Variants in LMO4 observed in about 807,000 individuals in gnomAD.
The protein encoded by LMO4 is LIM domain transcription factor LMO4.
Under a neutral mutation model 18.5 loss-of-function variants are expected in LMO4, and 3 were observed. The observed-to-expected ratio is 0.16, with a 90% CI of 0.07 to 0.42. The LOEUF is 0.42. Among genes scored for constraint, LMO4 ranks in the 10% least tolerant of loss-of-function variants. The pLI is 0.99. For missense variants in LMO4, 121 were observed against 219.9 expected, an observed-to-expected ratio of 0.55 and a Z score of 2.84; for synonymous variants, 100 against 88.1, an observed-to-expected ratio of 1.14 and a Z score of -0.76.
intron 1 of LMO4, 140 bp downstream of exon 1, chr1:87,329,384 AGC>A (rs918068309): frequency 3.9e-5 from 6 of 152,210 alleles, no homozygotes; most frequent in African/African-American, 1.4e-4. Flanking sequence ...GCTTAGATAA[AGC>A]GCGAGTCTGA....
chr1:87,333,353 T>C (rs1383544194), intron 2 of LMO4, among the ~76,000 whole-genome samples: 1 of 135,246 alleles, frequency 7.4e-6, no homozygotes, highest in African/African-American at 3.5e-5. Context: ...ACCGCACACT[T>C]TTAAGAATTT....
intron 1 of LMO4, among the ~76,000 whole-genome samples, chr1:87,331,500 G>A (rs1052174926): frequency 2.6e-5 from 4 of 152,220 alleles, no homozygotes; most frequent in African/African-American, 9.7e-5. Context: ...GCAGAACCCG[G>A]GAGGGAACGA....
intron 2 of LMO4, among the ~76,000 whole-genome samples, chr1:87,335,042 G>C (rs1430991179): frequency 1.3e-5 from 2 of 151,286 alleles, no homozygotes; most frequent in East Asian, 2.0e-4. Context: ...AATGAAGGGG[G>C]GGGGGTTGTA....
intron 2 of LMO4, among the ~76,000 whole-genome samples, chr1:87,335,998 C>T (rs1391369760): frequency 7.3e-6 from 1 of 136,684 alleles, no homozygotes; most frequent in Non-Finnish European, 1.5e-5. Flanking sequence ...AGATCTGTTA[C>T]TCTGAATTAA....
intron 3 of LMO4, 22 bp downstream of exon 3, chr1:87,339,654 T>G (rs1197828863): frequency 6.7e-7 from 1 of 1,498,280 alleles, no homozygotes; most frequent in Admixed American, 1.8e-5. Flanking sequence ...ATCTCTCTTT[T>G]TTTTTTAAAA....
intron 2 of LMO4, among the ~76,000 whole-genome samples, chr1:87,335,279 G>C (rs1003519536): frequency 6.6e-6 from 1 of 152,208 alleles, no homozygotes; most frequent in African/African-American, 2.4e-5. Context: ...AGTGCAGCGA[G>C]AGGAGGAAGT....
Position 87,346,848 on chromosome 1 carries a change from G to T in LMO4, c.*2052G>T, listed in dbSNP as rs1009732904. The T allele has an allele frequency of 1.3e-5, 2 of 152,142 alleles. No individual in the cohort carries two copies. The highest frequency in any genetic ancestry group is 4.8e-5 in the African/African-American group (2 of 41,440). The allele number at this position is 152,142 out of a possible 1,614,324, so 9.4% of individuals were successfully genotyped here. On this transcript the variant is annotated 3_prime_UTR_variant, in exon 5 of 5. Transcript: ENST00000370544. ...TGGGGAATTTCTTCAAACTAGTTCTGGTTCTTATATTTGTTTTTTTTCCTT... is the reference window on the plus strand; with the variant it reads ...TGGGGAATTTCTTCAAACTAGTTCTTGTTCTTATATTTGTTTTTTTTCCTT...
chr1:87,329,815 C>T (rs895137346), intron 1 of LMO4, among the ~76,000 whole-genome samples: 12 of 152,130 alleles, frequency 7.9e-5, no homozygotes, highest in African/African-American at 2.4e-4. Context: ...CATTTTTGTA[C>T]TACAAATTGC....
chr1:87,331,375 CT>C, intron 1 of LMO4: 1 of 152,638 alleles, frequency 6.6e-6, no homozygotes. Context: ...CTCCCGTCAC[CT>C]TGCCTTCCCT....
Position 87,331,999 on chromosome 1 carries a change from C to T in LMO4, c.-3-14C>T. The stretch of plus-strand genomic sequence containing the variant: ...TTTGTCTTTCTCTCCCTGTCCCCTT[C>T]CCGCCCTCTGCAGACCATGGTGAAT... On this transcript the variant is annotated splice_polypyrimidine_tract_variant and intron_variant, in intron 1 of 4. Coordinates refer to ENST00000370544, the MANE Select transcript of LMO4 (RefSeq NM_006769.4). 1 of 1,605,188 alleles carries T rather than the reference C, an allele frequency of 6.2e-7. No individual in the cohort carries two copies. The highest frequency in any genetic ancestry group is 2.2e-5 in the East Asian group (1 of 44,780).
chr1:87,337,009 G>C (rs1650336062), intron 2 of LMO4, among the ~76,000 whole-genome samples: 1 of 150,488 alleles, frequency 6.6e-6, no homozygotes, highest in Non-Finnish European at 1.5e-5. Flanking sequence ...CAACTTTTCA[G>C]AAAAAGGGTG....
At chr1:87,333,950 A>AC (rs1650224121) in intron 2 of LMO4, among the ~76,000 whole-genome samples, 1 of 151,934 alleles carries the variant, frequency 6.6e-6, no homozygotes, top group African/African-American at 2.4e-5. Flanking sequence ...TTCAAAAAAA[A>AC]AAAAACAAAA....
chr1:87,335,887 A>G (rs1455242300), intron 2 of LMO4, among the ~76,000 whole-genome samples: 2 of 151,402 alleles, frequency 1.3e-5, no homozygotes, highest in Non-Finnish European at 2.9e-5. Context: ...AAAAAAAAAC[A>G]GGATCTCAAA....
At chr1:87,337,575 T>C (rs1325423946) in intron 2 of LMO4, among the ~76,000 whole-genome samples, 1 of 152,226 alleles carries the variant, frequency 6.6e-6, no homozygotes, top group East Asian at 1.9e-4. Context: ...GTCACCCCCT[T>C]CTACCCCCAT....
intron 2 of LMO4, among the ~76,000 whole-genome samples, chr1:87,338,244 G>A (rs183198409): frequency 1.3e-5 from 2 of 152,324 alleles, no homozygotes; most frequent in East Asian, 3.9e-4. Flanking sequence ...GAGGCATGCT[G>A]CAATCATTCA....
intron 4 of LMO4, among the ~76,000 whole-genome samples, chr1:87,342,800 G>A (rs143096465): frequency 0.016 from 2,440 of 152,232 alleles, 31 homozygotes; most frequent in South Asian, 0.033. Context: ...AGAGGGCAAG[G>A]GGGAAGAGTT....
chr1:87,334,180 T>G (rs1650232710), intron 2 of LMO4, among the ~76,000 whole-genome samples: 1 of 152,200 alleles, frequency 6.6e-6, no homozygotes, highest in Non-Finnish European at 1.5e-5. Flanking sequence ...TAATGGCATC[T>G]ACGTTCTTAC....
At chr1:87,339,464 T>A in intron 2 of LMO4, 72 bp from the exon 3 acceptor site, 1 of 1,042,034 alleles carries the variant, frequency 9.6e-7, no homozygotes. Flanking sequence ...GCCCAGAGTC[T>A]GGGGGTGTTT....
chr1:87,338,868 G>C (rs902092325), intron 2 of LMO4, among the ~76,000 whole-genome samples: 1 of 152,206 alleles, frequency 6.6e-6, no homozygotes, highest in Non-Finnish European at 1.5e-5. Context: ...AATCTAAATT[G>C]TGGACTCAGG....
Sources: allele counts gnomAD v4.1 joint callset (sites outside exome capture counted in the v4.1 genomes callset), GRCh38; gene constraint gnomAD v4.1.1; transcripts MANE v1.5; gene names NCBI Gene and HGNC (gene_info 2026-07-23, HGNC 2026-07-21).